MBOAT2: variants seen among roughly 807,000 people sequenced by gnomAD.
The protein encoded by MBOAT2 is membrane bound glycerophospholipid O-acyltransferase 2.
Under a neutral mutation model 63.4 loss-of-function variants are expected in MBOAT2, and 28 were observed. That is an observed-to-expected ratio of 0.44 (90% CI 0.33 to 0.61). MBOAT2 has a LOEUF of 0.61. MBOAT2 is among the 20% of genes least tolerant of loss of function. MBOAT2 has a pLI of 0.03. For missense variants in MBOAT2, 470 were observed against 605.8 expected (o/e 0.78, Z 2.35); for synonymous variants, 211 against 215.6 (o/e 0.98, Z 0.19).
At chr2:8,996,558 G>A (rs765585398) in intron 1 of MBOAT2, among the ~76,000 whole-genome samples, 15 of 152,132 alleles carry the variant, frequency 9.9e-5, no homozygotes, top group Middle Eastern at 3.2e-3. Flanking sequence ...TCTCCCGGCC[G>A]CAGCCCTCAC....
intron 2 of MBOAT2, among the ~76,000 whole-genome samples, chr2:8,955,603 C>G (rs1276927256): frequency 6.6e-6 from 1 of 152,180 alleles, no homozygotes; most frequent in South Asian, 2.1e-4. Context: ...CTGAAAGTCT[C>G]TAATCAGCCA....
At chr2:8,879,766 G>A (rs558182991) in intron 6 of MBOAT2, among the ~76,000 whole-genome samples, 4 of 152,254 alleles carry the variant, frequency 2.6e-5, no homozygotes, top group East Asian at 1.9e-4. Flanking sequence ...TAATGACCAC[G>A]GTTTGGATGA....
chr2:8,873,429 A>T, intron 7 of MBOAT2, 129 bp from the exon 8 acceptor site: 4 of 920,242 alleles, frequency 4.3e-6, no homozygotes, highest in Non-Finnish European at 6.3e-6. Flanking sequence ...AAAATTCAAG[A>T]GCTACATTGC....
intron 3 of MBOAT2, among the ~76,000 whole-genome samples, chr2:8,925,771 C>G (rs537312248): frequency 1.8e-4 from 28 of 152,314 alleles, no homozygotes; most frequent in African/African-American, 6.0e-4. Flanking sequence ...CACACGTGGC[C>G]ACTCCACTGA....
At chr2:8,913,587 T>C (rs1665941985) in intron 3 of MBOAT2, among the ~76,000 whole-genome samples, 1 of 152,058 alleles carries the variant, frequency 6.6e-6, no homozygotes, top group South Asian at 2.1e-4. Flanking sequence ...ATGCCCAACA[T>C]CACTAATGAT....
At chr2:8,926,217 C>T (rs978209630) in intron 3 of MBOAT2, among the ~76,000 whole-genome samples, 1 of 152,162 alleles carries the variant, frequency 6.6e-6, no homozygotes, top group African/African-American at 2.4e-5. Context: ...AAGCCTTGAC[C>T]TCCTGGGCTC....
intron 4 of MBOAT2, among the ~76,000 whole-genome samples, chr2:8,904,539 A>C (rs964811676): frequency 6.6e-6 from 1 of 151,744 alleles, no homozygotes; most frequent in Non-Finnish European, 1.5e-5. Context: ...TTGAACTCCT[A>C]AGCTCAAGTG....
rs1244583558 is a variant in MBOAT2 at position 8,923,452 on chromosome 2, T to G, written c.300-14736A>C. On this transcript the variant is annotated intron_variant, in intron 3 of 12. Coordinates refer to ENST00000305997, the MANE Select transcript of MBOAT2 (RefSeq NM_138799.4). Reference sequence around the variant, plus strand: ...AACAGTTTTAGACACCCCTATGAGTTCATCCCCAGTCAATCATTACAGTTC... The same window carrying G: ...AACAGTTTTAGACACCCCTATGAGTGCATCCCCAGTCAATCATTACAGTTC... Among the ~76,000 whole-genome samples, 5 of 152,120 alleles carry G rather than the reference T, an allele frequency of 3.3e-5. No homozygotes were observed. The East Asian group carries it at 9.6e-4, about 29-fold the overall frequency.
chr2:8,944,260 G>A (rs1482101258), intron 2 of MBOAT2, among the ~76,000 whole-genome samples: 1 of 152,156 alleles, frequency 6.6e-6, no homozygotes, highest in African/African-American at 2.4e-5. Flanking sequence ...ACATGATTAG[G>A]ATGTCTGTGA....
At chr2:8,884,432 T>A (rs1036997918) in intron 5 of MBOAT2, among the ~76,000 whole-genome samples, 31 of 151,192 alleles carry the variant, frequency 2.1e-4, no homozygotes, top group African/African-American at 7.5e-4. Context: ...TTCCTACTTG[T>A]GACAATTCTA....
intron 1 of MBOAT2, among the ~76,000 whole-genome samples, chr2:8,986,511 C>T (rs1319368810): frequency 2.0e-5 from 3 of 151,632 alleles, no homozygotes; most frequent in African/African-American, 4.8e-5. Flanking sequence ...TGCAGTGAGC[C>T]GTGATCACAT....
intron 3 of MBOAT2, among the ~76,000 whole-genome samples, chr2:8,916,543 A>G (rs1246822647): frequency 3.3e-5 from 5 of 152,258 alleles, no homozygotes. Flanking sequence ...ATGGGAATTA[A>G]TGAACTAGAA....
intron 3 of MBOAT2, among the ~76,000 whole-genome samples, chr2:8,915,692 T>C (rs1284060341): frequency 6.6e-6 from 1 of 152,226 alleles, no homozygotes; most frequent in African/African-American, 2.4e-5. Flanking sequence ...ACATATAAGC[T>C]ACTATGTGCA....
At chr2:8,859,714 T>C (rs1437869160) in intron 12 of MBOAT2, among the ~76,000 whole-genome samples, 1 of 152,232 alleles carries the variant, frequency 6.6e-6, no homozygotes, top group Non-Finnish European at 1.5e-5. Context: ...ATAAAGTTTT[T>C]GATCTCTAAA....
chr2:8,897,589 G>A lies in MBOAT2; in HGVS notation c.396-9516C>T, dbSNP rs180768915. On this transcript the variant is annotated intron_variant, in intron 4 of 12. Transcript: ENST00000305997. ...GTAAGTGCCACTAGTTCTGCTAATT[G>A]GGCACTGGTCCCTGGGGGAAGAGGC... Among the ~76,000 whole-genome samples the A allele has an allele frequency of 1.3e-3, 198 of 152,266 alleles. 1 individual carries two copies. The highest frequency in any genetic ancestry group is 4.5e-3 in the African/African-American group (188 of 41,534).
rs1005678122 is a variant in MBOAT2, at chr2:8,862,429, G to T, written c.1185+161C>A. 6 of 1,312,800 alleles carry T rather than the reference G, an allele frequency of 4.6e-6. No individual in the cohort carries two copies. Among genetic ancestry groups the T allele is most frequent in the South Asian group, 1.4e-5 (1 of 71,030 alleles). The allele number at this position is 1,312,800 out of a possible 1,614,324, so 81.3% of individuals were successfully genotyped here. A position where few individuals can be genotyped will look rare whatever the true frequency, so the allele number is the denominator to read the frequency against. On this transcript the variant is annotated intron_variant, in intron 11 of 12. Coordinates refer to ENST00000305997, the MANE Select transcript of MBOAT2 (RefSeq NM_138799.4). The surrounding 1 kb of genome is among the most constrained non-coding windows in gnomAD (Gnocchi z 4.3). ...GCATGGAGCCTAGCCCGTGGTGAGC[G>T]CTCAGCAAACATGCACGCAGTACAC...
At chr2:8,863,921 C>G (rs1661671085) in intron 10 of MBOAT2, among the ~76,000 whole-genome samples, 1 of 152,178 alleles carries the variant, frequency 6.6e-6, no homozygotes, top group Non-Finnish European at 1.5e-5. Context: ...TTGGCAGAGG[C>G]CTTTAAAGGA....
chr2:8,980,377 A>T (rs1671114551), intron 1 of MBOAT2, among the ~76,000 whole-genome samples: 1 of 152,174 alleles, frequency 6.6e-6, no homozygotes. Flanking sequence ...TCTAGCCCTG[A>T]CCAAGTAACC....
chr2:8,912,874 C>T (rs149727032), intron 3 of MBOAT2, among the ~76,000 whole-genome samples: 3,994 of 152,084 alleles, frequency 0.026, 186 homozygotes, highest in African/African-American at 0.091. Flanking sequence ...AAAAAGAGCC[C>T]GCATAGCCAA....
Sources: gnomAD v4.1 joint callset for allele counts (sites outside exome capture counted in the v4.1 genomes callset) on GRCh38, gnomAD v4.1.1 for gene constraint, Gnocchi (gnomAD v3.1) non-coding constraint, MANE v1.5 for transcripts, NCBI Gene and HGNC (gene_info 2026-07-23, HGNC 2026-07-21) for gene names.